Variants in RBBP4 observed in about 807,000 individuals in gnomAD.
The protein encoded by RBBP4 is RB binding protein 4, chromatin remodeling factor.
RBBP4 carries 3 observed loss-of-function variants against 57.2 expected under a neutral mutation model. The ratio of observed to expected loss-of-function variants is 0.05; its 90% CI spans 0.02 to 0.14. RBBP4 has a LOEUF of 0.14. Among genes scored for constraint, RBBP4 ranks in the 10% least tolerant of loss-of-function variants. The probability of loss-of-function intolerance (pLI) is 1.00; values close to 1 mark genes in which losing one functional copy is unlikely to be tolerated. For missense variants in RBBP4, 107 were observed against 520.6 expected (o/e 0.21, Z 7.73); for synonymous variants, 151 against 171.5 (o/e 0.88, Z 0.93).
At chr1:32,658,523 C>T (rs1347109305) in intron 3 of RBBP4, among the ~76,000 whole-genome samples, 1 of 149,592 alleles carries the variant, frequency 6.7e-6, no homozygotes, top group Non-Finnish European at 1.5e-5. Context: ...AAGGGTTTAA[C>T]TGCTCATGAA....
In RBBP4 at chr1:32,683,841, C is replaced by G; in HGVS notation, c.*4136C>G. The G allele has an allele frequency of 1.6e-6, 1 of 615,376 alleles. No individual in the cohort carries two copies. The highest frequency in any genetic ancestry group is 2.9e-6 in the Non-Finnish European group (1 of 350,478). The allele number at this position is 615,376 out of a possible 1,614,324, so 38.1% of individuals were successfully genotyped here. ...GGAGATGGAGTTTTGCCATGTTGGC[C>G]AGGCTGGTCTTGAACTCCTGACTCC... On this transcript the variant is annotated 3_prime_UTR_variant, in exon 12 of 12. Transcript: ENST00000373493.
At chr1:32,678,613 A>C (rs1570877353) in intron 11 of RBBP4, among the ~76,000 whole-genome samples, 2 of 59,818 alleles carry the variant, frequency 3.3e-5, no homozygotes, top group Admixed American at 5.3e-4. Flanking sequence ...TTTTTGGCAC[A>C]CAGTCTTGCT....
chr1:32,680,486 ATTAAAT>A lies in RBBP4; in HGVS notation c.*783_*788del, dbSNP rs1649367797. On this transcript the variant is annotated 3_prime_UTR_variant, in exon 12 of 12. Coordinates refer to ENST00000373493, the MANE Select transcript of RBBP4 (RefSeq NM_005610.3). ...TCAATAACTTGTATTTGTTTTAAAA[ATTAAAT>A]TAATCCTTGATAAGAGTTGCTTTTT... is the stretch of plus-strand genomic sequence containing the variant. The A allele has an allele frequency of 1.3e-6, 2 of 1,539,654 alleles. No individual in the cohort carries two copies. Among genetic ancestry groups the A allele is most frequent in the East Asian group, 4.9e-5 (2 of 40,748 alleles).
chr1:32,665,643 A>G (rs937750405), intron 3 of RBBP4, among the ~76,000 whole-genome samples: 2 of 146,514 alleles, frequency 1.4e-5, no homozygotes, highest in Non-Finnish European at 3.0e-5. Flanking sequence ...GTGCCATTAC[A>G]CTCCAGTCTG....
chr1:32,651,860 G>A (rs1647733189), intron 1 of RBBP4, 54 bp from the exon 2 acceptor site: 3 of 1,574,084 alleles, frequency 1.9e-6, no homozygotes, highest in South Asian at 2.3e-5. Context: ...CTTTGCAGAG[G>A]ATTACTCGGT....
At chr1:32,660,402 C>T (rs1325653221) in intron 3 of RBBP4, among the ~76,000 whole-genome samples, 1 of 78,024 alleles carries the variant, frequency 1.3e-5, no homozygotes, top group Non-Finnish European at 2.6e-5. Flanking sequence ...CACCACCATA[C>T]CTGGATTTTT....
At position 32,680,561 on chromosome 1, in the gene RBBP4, C is replaced by T. The variant is rs752142568; in HGVS notation, c.*856C>T. The T allele has an allele frequency of 5.9e-6, 9 of 1,537,962 alleles. No individual in the cohort carries two copies. In the South Asian group the frequency reaches 1.1e-4, roughly 18 times the overall value. On this transcript the variant is annotated 3_prime_UTR_variant, in exon 12 of 12. Coordinates refer to ENST00000373493, the MANE Select transcript of RBBP4 (RefSeq NM_005610.3). ...TTGACCACTAGTTTGATGCCATCTCCATTTTGGGTGACCTGTTTCACCAGC... is the reference window on the plus strand; with the variant it reads ...TTGACCACTAGTTTGATGCCATCTCTATTTTGGGTGACCTGTTTCACCAGC...
intron 3 of RBBP4, among the ~76,000 whole-genome samples, chr1:32,666,430 C>T (rs904930516): frequency 6.6e-6 from 1 of 151,418 alleles, no homozygotes; most frequent in African/African-American, 2.4e-5. Context: ...ACGATCTCGG[C>T]TCACTGCAAC....
At chr1:32,674,280 C>T (rs1035125067) in intron 11 of RBBP4, among the ~76,000 whole-genome samples, 1 of 148,918 alleles carries the variant, frequency 6.7e-6, no homozygotes, top group Non-Finnish European at 1.5e-5. Flanking sequence ...GTTGTTCAGG[C>T]TACAGTGCAG....
Position 32,674,748 on chromosome 1 carries a change from GAC to G in RBBP4, c.1212+1849_1212+1850del, listed in dbSNP as rs1484463024. Among the ~76,000 whole-genome samples, 266 of 146,630 alleles carry G rather than the reference GAC, an allele frequency of 1.8e-3. 2 individuals carry two copies. The highest frequency in any genetic ancestry group is 6.3e-3 in the African/African-American group (251 of 39,628). ...TTTTTTTAATTTTTTTTTTTTCTGA[GAC>G]AGAGTCTCACTGCCTCACCCAGGCT... On this transcript the variant is annotated intron_variant, in intron 11 of 11. Transcript: ENST00000373493.
chr1:32,674,436 G>A (rs911023782), intron 11 of RBBP4, among the ~76,000 whole-genome samples: 1 of 152,070 alleles, frequency 6.6e-6, no homozygotes. Context: ...GGTTTGCCAT[G>A]TTGGCCAGTC....
chr1:32,651,865 C>T (rs1463473017), intron 1 of RBBP4, 49 bp from the exon 2 acceptor site: 3 of 1,584,974 alleles, frequency 1.9e-6, no homozygotes, highest in African/African-American at 1.3e-5. Context: ...CAGAGGATTA[C>T]TCGGTTTCCG....
intron 2 of RBBP4, among the ~76,000 whole-genome samples, chr1:32,656,271 T>C (rs1489676845): frequency 2.0e-5 from 3 of 152,226 alleles, no homozygotes; most frequent in Non-Finnish European, 4.4e-5. Context: ...CTCTGCTCAC[T>C]GCAGCCTCCG....
Position 32,669,608 on chromosome 1 carries a change from C to T in RBBP4, c.966+45C>T, listed in dbSNP as rs201984533. Reference sequence around the variant, plus strand: ...CTATTTTGTTTGTTTTAAGAAAAACCTGCTGGGCGCGGTCGCTCACGCCTG... The same window carrying T: ...CTATTTTGTTTGTTTTAAGAAAAACTTGCTGGGCGCGGTCGCTCACGCCTG... On this transcript the variant is annotated intron_variant, in intron 8 of 11. Transcript: ENST00000373493. The surrounding 1 kb of genome is among the most constrained non-coding windows in gnomAD (Gnocchi z 4.9). 1.8e-4 allele frequency: 279 copies of T among 1,572,704 alleles called. No homozygotes were observed. The East Asian group carries it at 5.2e-3, about 29-fold the overall frequency.
intron 8 of RBBP4, among the ~76,000 whole-genome samples, chr1:32,670,716 G>A (rs1478353983): frequency 6.6e-6 from 1 of 152,216 alleles, no homozygotes; most frequent in Non-Finnish European, 1.5e-5. Flanking sequence ...GGGATTACAG[G>A]CGTAAGCCAC....
rs1387329411 is a variant in RBBP4, at chr1:32,684,032, A to C, written c.*4327A>C. 1 of 1,614,028 alleles carries C rather than the reference A, an allele frequency of 6.2e-7. No homozygotes were observed. Among genetic ancestry groups the C allele is most frequent in the African/African-American group, 1.3e-5 (1 of 74,912 alleles). On this transcript the variant is annotated 3_prime_UTR_variant, in exon 12 of 12. Coordinates refer to ENST00000373493, the MANE Select transcript of RBBP4 (RefSeq NM_005610.3). Reference sequence around the variant, plus strand: ...CACCTTGAGACTGTGTCTCCATTCCACCTGCCTGAGAAGTGGGAGCATCAG... The same window carrying C: ...CACCTTGAGACTGTGTCTCCATTCCCCCTGCCTGAGAAGTGGGAGCATCAG...
At chr1:32,676,098 C>G (rs764843888) in intron 11 of RBBP4, among the ~76,000 whole-genome samples, 79 of 151,982 alleles carry the variant, frequency 5.2e-4, no homozygotes, top group Non-Finnish European at 6.2e-4. Context: ...TCCCTTGAGG[C>G]CAGGAGTTTG....
chr1:32,659,012 TA>T (rs1486495153), intron 3 of RBBP4, among the ~76,000 whole-genome samples: 43 of 147,454 alleles, frequency 2.9e-4, no homozygotes, highest in African/African-American at 9.6e-4. Context: ...AATATAGTTA[TA>T]TATAATTTTA....
At chr1:32,663,143 G>A (rs1408314792) in intron 3 of RBBP4, among the ~76,000 whole-genome samples, 1 of 152,024 alleles carries the variant, frequency 6.6e-6, no homozygotes, top group Non-Finnish European at 1.5e-5. Flanking sequence ...CACTATGGTG[G>A]TTACCTTGTT....
Sources: gnomAD v4.1 joint callset for allele counts (sites outside exome capture counted in the v4.1 genomes callset) on GRCh38, gnomAD v4.1.1 for gene constraint, Gnocchi (gnomAD v3.1) non-coding constraint, MANE v1.5 for transcripts, NCBI Gene and HGNC (gene_info 2026-07-23, HGNC 2026-07-21) for gene names.